The following PCDH15 variants were observed in gnomAD, a reference collection of about 807,000 sequenced individuals.
The protein encoded by PCDH15 is protocadherin related 15, also known as protocadherin-15.
PCDH15 carries 129 observed loss-of-function variants against 178.5 expected under a neutral mutation model. The observed-to-expected ratio is 0.72, with a 90% CI of 0.63 to 0.84. PCDH15 has a LOEUF of 0.84. Ranked by LOEUF, PCDH15 falls within the 40% of genes least tolerant of loss-of-function variation. The pLI, the probability that PCDH15 is intolerant of heterozygous loss-of-function variation, is 0.00. For synonymous variants in PCDH15, 800 were observed against 732.0 expected (o/e 1.09, Z -1.50); for missense variants, 2,230 against 2,099.9 (o/e 1.06, Z -1.21).
intron 2 of PCDH15, among the ~76,000 whole-genome samples, chr10:55,353,770 C>T (rs1404682591): frequency 6.6e-6 from 1 of 152,056 alleles, no homozygotes; most frequent in Non-Finnish European, 1.5e-5. Flanking sequence ...AAGCACACAA[C>T]AGTACAAAAC....
At chr10:55,603,869 G>T (rs1182314845) in intron 2 of PCDH15, among the ~76,000 whole-genome samples, 9 of 147,736 alleles carry the variant, frequency 6.1e-5, no homozygotes, top group African/African-American at 2.0e-4. Flanking sequence ...ACATCATAAT[G>T]ACAGGATCAA....
chr10:54,836,520 G>T (rs1165084956), intron 3 of PCDH15, among the ~76,000 whole-genome samples: 1 of 151,896 alleles, frequency 6.6e-6, no homozygotes, highest in Non-Finnish European at 1.5e-5. Flanking sequence ...TAATAACTAA[G>T]CAATAAATTC....
At chr10:54,510,092 C>T (rs2081515351) in intron 3 of PCDH15, among the ~76,000 whole-genome samples, 2 of 152,158 alleles carry the variant, frequency 1.3e-5, no homozygotes, top group South Asian at 2.1e-4. Context: ...GCTCCTTGTT[C>T]CATTGGTTGA....
At chr10:54,516,666 C>A (rs368772481) in intron 3 of PCDH15, among the ~76,000 whole-genome samples, 1 of 151,922 alleles carries the variant, frequency 6.6e-6, no homozygotes, top group South Asian at 2.1e-4. Flanking sequence ...ACTTCCCCAA[C>A]CTAGCAAGGC....
At chr10:54,971,158 A>G (rs1361676451) in intron 2 of PCDH15, among the ~76,000 whole-genome samples, 1 of 152,068 alleles carries the variant, frequency 6.6e-6, no homozygotes, top group Non-Finnish European at 1.5e-5. Context: ...AAGAGGTGGA[A>G]TGTTATAGTT....
At chr10:54,798,783 C>A (rs922575347) in intron 1 of PCDH15, among the ~76,000 whole-genome samples, 2 of 151,990 alleles carry the variant, frequency 1.3e-5, no homozygotes, top group African/African-American at 2.4e-5. Context: ...AGCATTAGGG[C>A]TACAATAAAA....
intron 32 of PCDH15, chr10:53,823,723 A>G: frequency 2.2e-6 from 1 of 464,208 alleles, no homozygotes; most frequent in East Asian, 6.8e-5. Flanking sequence ...CCATTGCAGA[A>G]CACCATCCTT....
chr10:53,886,484 TAA>T (rs2081101633), intron 26 of PCDH15, among the ~76,000 whole-genome samples: 1 of 152,182 alleles, frequency 6.6e-6, no homozygotes, highest in Non-Finnish European at 1.5e-5. Context: ...AACATTTGGT[TAA>T]ACTTTAATCA....
chr10:55,217,402 A>G (rs1279194447), intron 1 of PCDH15, among the ~76,000 whole-genome samples: 1 of 151,920 alleles, frequency 6.6e-6, no homozygotes, highest in Non-Finnish European at 1.5e-5. Context: ...GGTCATATCA[A>G]TTCACAAATG....
intron 3 of PCDH15, among the ~76,000 whole-genome samples, chr10:54,889,500 G>GAGATATATATATATATAT (rs1554811033): frequency 1.2e-4 from 17 of 142,016 alleles, no homozygotes; most frequent in Non-Finnish European, 1.9e-4. Flanking sequence ...TAATTGTGAA[G>GAGATATATATATATATAT]ATATATATAT....
At chr10:54,545,900 G>T (rs1313536576) in intron 2 of PCDH15, among the ~76,000 whole-genome samples, 2 of 152,172 alleles carry the variant, frequency 1.3e-5, no homozygotes, top group African/African-American at 4.8e-5. Context: ...TGCGGATAGG[G>T]TCTACCTTGG....
chr10:54,770,945 G>A (rs2133262635), intron 1 of PCDH15, among the ~76,000 whole-genome samples: 1 of 152,144 alleles, frequency 6.6e-6, no homozygotes, highest in Admixed American at 6.5e-5. Flanking sequence ...AGAATAGCCA[G>A]TTGGCTTTTG....
At chr10:55,182,530 C>G (rs770900806) in intron 1 of PCDH15, among the ~76,000 whole-genome samples, 1 of 151,980 alleles carries the variant, frequency 6.6e-6, no homozygotes, top group Non-Finnish European at 1.5e-5. Flanking sequence ...TCAGTCCTTA[C>G]TTTCCTCATC....
At chr10:54,760,392 C>T (rs1947716498) in intron 1 of PCDH15, among the ~76,000 whole-genome samples, 1 of 152,046 alleles carries the variant, frequency 6.6e-6, no homozygotes, top group Non-Finnish European at 1.5e-5. Context: ...TTATCAATTG[C>T]CTCACTGATG....
intron 3 of PCDH15, among the ~76,000 whole-genome samples, chr10:54,500,141 TG>T (rs1377157343): frequency 6.9e-6 from 1 of 145,420 alleles, no homozygotes; most frequent in Non-Finnish European, 1.5e-5. Context: ...CAACATTCTT[TG>T]CAACAACATT....
chr10:55,172,688 A>G (rs1451105267), intron 1 of PCDH15, among the ~76,000 whole-genome samples: 28 of 152,084 alleles, frequency 1.8e-4, no homozygotes, highest in Non-Finnish European at 3.8e-4. Flanking sequence ...CACAGAACAC[A>G]CTATTCTTTA....
intron 14 of PCDH15, among the ~76,000 whole-genome samples, chr10:54,146,907 G>GTGTATATATATATAA (rs2043973667): frequency 3.2e-5 from 2 of 63,024 alleles, no homozygotes; most frequent in African/African-American, 1.6e-4. Context: ...TATATATATA[G>GTGTATATATATATAA]TGTATATATA....
chr10:54,140,489 A>G (rs1367299508), intron 14 of PCDH15, among the ~76,000 whole-genome samples: 1 of 150,670 alleles, frequency 6.6e-6, no homozygotes, highest in Admixed American at 6.6e-5. Context: ...TTTTTTCTTG[A>G]GACAGGGTCT....
intron 10 of PCDH15, among the ~76,000 whole-genome samples, chr10:54,202,816 A>G (rs1239280197): frequency 7.2e-6 from 1 of 139,258 alleles, no homozygotes; most frequent in Non-Finnish European, 1.5e-5. Context: ...CCACCTCAAA[A>G]AAAAAAAAAA....
Sources: allele counts gnomAD v4.1 joint callset (sites outside exome capture counted in the v4.1 genomes callset), GRCh38; gene constraint gnomAD v4.1.1; transcripts MANE v1.5; gene names NCBI Gene and HGNC (gene_info 2026-07-23, HGNC 2026-07-21).